KIFBP: variants seen among roughly 807,000 people sequenced by gnomAD.
KIFBP encodes the protein KIF-binding protein.
Under a neutral mutation model 58.9 loss-of-function variants are expected in KIFBP, and 46 were observed. The observed-to-expected ratio is 0.78, with a 90% CI of 0.62 to 1.00. The LOEUF (loss-of-function observed/expected upper bound fraction) is 1.00, where lower values mean the gene tolerates loss of function less well. Among genes scored for constraint, KIFBP ranks in the 50% least tolerant of loss-of-function variants. The probability of loss-of-function intolerance (pLI) is 0.00; values close to 1 mark genes in which losing one functional copy is unlikely to be tolerated. For synonymous variants in KIFBP, 241 were observed against 283.4 expected, an observed-to-expected ratio of 0.85 and a Z score of 1.50; for missense variants, 651 against 752.9, an observed-to-expected ratio of 0.86 and a Z score of 1.58.
intron 2 of KIFBP, among the ~76,000 whole-genome samples, chr10:69,004,285 C>G (rs1445150348): frequency 6.7e-6 from 1 of 149,362 alleles, no homozygotes; most frequent in Admixed American, 6.7e-5. Flanking sequence ...GTAGTTTCAG[C>G]ACTTTGGGAG....
intron 6 of KIFBP, among the ~76,000 whole-genome samples, chr10:69,015,053 G>A (rs1378175813): frequency 6.6e-6 from 1 of 152,124 alleles, no homozygotes; most frequent in Admixed American, 6.6e-5. Context: ...CTCTCAAGTA[G>A]CTGGGATTAC....
At position 69,008,879 on chromosome 10, in the gene KIFBP, T is replaced by C; in HGVS notation, c.828T>C (p.Ala276=). 1.9e-6 allele frequency: 3 copies of C among 1,613,894 alleles called. No individual in the cohort carries two copies. Among genetic ancestry groups the C allele is most frequent in the Non-Finnish European group, 2.5e-6 (3 of 1,179,856 alleles). ...AGGCCAGGCACTGTTTATCAGCTGC[T>C]AATGTCATTTTTGGTCAAACTGGAA... ...FMEARHCLSA[A]NVIFGQTGKI... is the part of the protein sequence containing the mutation. Residue 276 remains alanine, a synonymous_variant, in exon 5 of 7, where the codon GCT becomes GCC. Coordinates refer to ENST00000361983, the MANE Select transcript of KIFBP (RefSeq NM_015634.4).
chr10:68,999,614 C>T (rs1034252136), intron 1 of KIFBP: 13 of 152,052 alleles, frequency 8.5e-5, no homozygotes, highest in African/African-American at 3.1e-4. Flanking sequence ...CCAACTTACT[C>T]ACATGGTTGT....
In KIFBP at chr10:69,008,879, T is replaced by A; in HGVS notation, c.828T>A (p.Ala276=). 6.2e-7 allele frequency: 1 copy of A among 1,613,894 alleles called. No homozygotes were observed. ...AGGCCAGGCACTGTTTATCAGCTGCTAATGTCATTTTTGGTCAAACTGGAA... is the reference window on the plus strand; with the variant it reads ...AGGCCAGGCACTGTTTATCAGCTGCAAATGTCATTTTTGGTCAAACTGGAA... The part of the protein sequence containing the change: ...FMEARHCLSA[A]NVIFGQTGKI... Residue 276 remains alanine, a synonymous_variant, in exon 5 of 7, where the codon GCT becomes GCA. Coordinates refer to ENST00000361983, the MANE Select transcript of KIFBP (RefSeq NM_015634.4).
chr10:68,991,971 GT>G (rs34566218), intron 1 of KIFBP, among the ~76,000 whole-genome samples: 65 of 144,186 alleles, frequency 4.5e-4, no homozygotes, highest in Non-Finnish European at 4.9e-4. Context: ...TTTTATGTGG[GT>G]TTTTTTTTTT....
chr10:69,011,395 CTTTT>C (rs10700812), intron 6 of KIFBP: 6 of 130,046 alleles, frequency 4.6e-5, no homozygotes, highest in South Asian at 1.8e-4. Flanking sequence ...ATATCATATT[CTTTT>C]TTTTTTTTTT....
At chr10:69,013,970 T>G (rs1271191760) in intron 6 of KIFBP, among the ~76,000 whole-genome samples, 1 of 152,106 alleles carries the variant, frequency 6.6e-6, no homozygotes, top group East Asian at 1.9e-4. Context: ...AGGCTGGTCT[T>G]GAACTCTTGA....
chr10:69,010,744 G>A (rs560225922), intron 5 of KIFBP, among the ~76,000 whole-genome samples, 156 bp from the exon 6 acceptor site: 3 of 151,590 alleles, frequency 2.0e-5, no homozygotes, highest in African/African-American at 7.3e-5. Context: ...AGTAGGATTT[G>A]GGGGGGGATC....
intron 1 of KIFBP, among the ~76,000 whole-genome samples, chr10:68,992,402 G>A (rs1335688109): frequency 6.6e-6 from 1 of 152,162 alleles, no homozygotes; most frequent in Non-Finnish European, 1.5e-5. Context: ...GGGGATTTTG[G>A]TTGTAGGCAT....
intron 5 of KIFBP, among the ~76,000 whole-genome samples, chr10:69,010,010 A>G (rs1271004249): frequency 1.3e-5 from 2 of 152,178 alleles, no homozygotes; most frequent in African/African-American, 4.8e-5. Flanking sequence ...TACATTAATT[A>G]TAGATTAGTT....
In KIFBP at chr10:69,013,628, G is replaced by A. The variant is rs928446806; in HGVS notation, c.991-1913G>A. Among the ~76,000 whole-genome samples the A allele has an allele frequency of 5.9e-5, 9 of 152,244 alleles. No individual in the cohort carries two copies. In the South Asian group the frequency reaches 1.5e-3, roughly 25 times the overall value. On this transcript the variant is annotated intron_variant, in intron 6 of 6. Coordinates refer to ENST00000361983, the MANE Select transcript of KIFBP (RefSeq NM_015634.4). ...TTGAAGTAATTGTGTCAAGCAAATC[G>A]CACTATGATTTGACCCTTACCTTTC... is the stretch of plus-strand genomic sequence containing the variant.
intron 2 of KIFBP, among the ~76,000 whole-genome samples, chr10:69,003,870 T>C (rs1438900440): frequency 6.6e-6 from 1 of 152,190 alleles, no homozygotes; most frequent in Non-Finnish European, 1.5e-5. Context: ...TCCTATTTGT[T>C]TTGCTTATGC....
intron 2 of KIFBP, among the ~76,000 whole-genome samples, chr10:69,003,044 CAAAAAAA>C (rs5785887): frequency 2.8e-5 from 3 of 105,556 alleles, no homozygotes; most frequent in Non-Finnish European, 6.0e-5. Flanking sequence ...CCCGTCTTTA[CAAAAAAA>C]AAAAAAAAAA....
intron 1 of KIFBP, among the ~76,000 whole-genome samples, chr10:68,999,431 G>C (rs1843441038): frequency 2.0e-5 from 3 of 151,736 alleles, no homozygotes; most frequent in Admixed American, 2.0e-4. Context: ...AAGTTCTCTG[G>C]AAGAGCATAG....
intron 1 of KIFBP, among the ~76,000 whole-genome samples, chr10:68,995,931 G>A (rs1400523737): frequency 6.6e-6 from 1 of 152,176 alleles, no homozygotes; most frequent in Non-Finnish European, 1.5e-5. Flanking sequence ...GCCAAGGCGG[G>A]TGGATCACTT....
intron 1 of KIFBP, among the ~76,000 whole-genome samples, chr10:68,998,731 A>G (rs1261868070): frequency 2.4e-5 from 3 of 123,440 alleles, no homozygotes; most frequent in East Asian, 4.2e-4. Context: ...ACCCCACTAC[A>G]TACATACATA....
At chr10:69,008,391 A>AAAAAAT in intron 4 of KIFBP, among the ~76,000 whole-genome samples, 4 of 71,614 alleles carry the variant, frequency 5.6e-5, no homozygotes, top group African/African-American at 2.3e-4. Flanking sequence ...AAAAAAAAAA[A>AAAAAAT]ATATATATAT....
At chr10:68,993,664 G>A (rs1453875226) in intron 1 of KIFBP, among the ~76,000 whole-genome samples, 1 of 151,484 alleles carries the variant, frequency 6.6e-6, no homozygotes, top group Non-Finnish European at 1.5e-5. Flanking sequence ...ATATTGACCA[G>A]GCTGGTCTCA....
At chr10:68,993,701 A>G (rs1843375763) in intron 1 of KIFBP, among the ~76,000 whole-genome samples, 1 of 151,998 alleles carries the variant, frequency 6.6e-6, no homozygotes, top group Non-Finnish European at 1.5e-5. Flanking sequence ...TGATCCTCAC[A>G]TCTCGGCTTC....
Sources: gnomAD v4.1 joint callset for allele counts (sites outside exome capture counted in the v4.1 genomes callset) on GRCh38, gnomAD v4.1.1 for gene constraint, MANE v1.5 for transcripts, NCBI Gene and HGNC (gene_info 2026-07-23, HGNC 2026-07-21) for gene names.